LTBP2: variants seen among roughly 807,000 people sequenced by gnomAD.
LTBP2 encodes latent transforming growth factor beta binding protein 2.
LTBP2 carries 103 observed loss-of-function variants against 210.6 expected under a neutral mutation model. The ratio of observed to expected loss-of-function variants is 0.49; its 90% confidence interval spans 0.42 to 0.58. The LOEUF is 0.58. LTBP2 is among the 20% of genes least tolerant of loss of function. LTBP2 has a pLI of 0.00. For synonymous variants in LTBP2, 1,007 were observed against 1,015.0 expected, an observed-to-expected ratio of 0.99 and a Z score of 0.15; for missense variants, 2,313 against 2,494.5, an observed-to-expected ratio of 0.93 and a Z score of 1.55.
intron 1 of LTBP2, among the ~76,000 whole-genome samples, chr14:74,608,704 C>A: frequency 1.8e-5 from 2 of 112,736 alleles, no homozygotes; most frequent in Non-Finnish European, 1.8e-5. Flanking sequence ...GAGACTCTAT[C>A]TCAAAAAAAA....
intron 10 of LTBP2, among the ~76,000 whole-genome samples, chr14:74,529,418 C>T (rs550104896): frequency 1.3e-5 from 2 of 152,210 alleles, no homozygotes; most frequent in East Asian, 1.9e-4. Flanking sequence ...GTCTCCAGTG[C>T]CGAGTTTAGA....
intron 2 of LTBP2, among the ~76,000 whole-genome samples, chr14:74,592,944 T>C (rs149752061): frequency 2.6e-5 from 4 of 152,270 alleles, no homozygotes; most frequent in African/African-American, 9.6e-5. Flanking sequence ...CCAGGACCCT[T>C]TCTTTTCCAC....
Position 74,513,303 on chromosome 14 carries a change from C to G in LTBP2, c.2909-1939G>C, listed in dbSNP as rs1277226435. The stretch of plus-strand genomic sequence containing the variant: ...CTAGTCTCTTGTGGTTGGGTGGAGC[C>G]ATGAGACTAGTGAGGGCCAACGAAC... On this transcript the variant is annotated intron_variant, in intron 18 of 35. Transcript: ENST00000261978. Among the ~76,000 whole-genome samples the G allele has an allele frequency of 2.0e-5, 3 of 152,214 alleles. No homozygotes were observed. In the East Asian group the frequency reaches 5.8e-4, roughly 29 times the overall value.
chr14:74,511,443 T>A (rs1470220532), intron 18 of LTBP2, 79 bp from the exon 19 acceptor site: 2 of 1,583,088 alleles, frequency 1.3e-6, no homozygotes, highest in East Asian at 2.2e-5. Context: ...CAAATCCTTG[T>A]CCCTGCCTTT....
intron 1 of LTBP2, among the ~76,000 whole-genome samples, chr14:74,609,600 A>G (rs2139813570): frequency 6.6e-6 from 1 of 152,184 alleles, no homozygotes. Flanking sequence ...GGGCAGTGCT[A>G]CATCTGCACA....
intron 2 of LTBP2, among the ~76,000 whole-genome samples, chr14:74,593,497 G>T (rs1324218232): frequency 1.3e-5 from 2 of 152,196 alleles, no homozygotes; most frequent in Non-Finnish European, 2.9e-5. Context: ...TCAAAGAGCT[G>T]TTGTGAGTGT....
intron 11 of LTBP2, 89 bp downstream of exon 11, chr14:74,528,869 G>T: frequency 6.4e-7 from 1 of 1,556,276 alleles, no homozygotes. Flanking sequence ...CAGTCTTCCA[G>T]ATTGAGGGAA....
Position 74,506,055 on chromosome 14 carries a change from C to T in LTBP2, c.4170G>A (p.Gly1390=), listed in dbSNP as rs1301155732. ...DAQEGHCRPR[G]AGGQSMSEAP... ...GTGTCTCCCAGGCCTCACCTCCAGC[C>T]CCCCGTGGGCGGCAGTGCCCCTCCT... Residue 1390 remains glycine (G), a synonymous_variant, in exon 28 of 36, where the codon GGG becomes GGA. Transcript: ENST00000261978. 3.7e-6 allele frequency: 6 copies of T among 1,614,030 alleles called. No homozygotes were observed. Among genetic ancestry groups the T allele is most frequent in the Non-Finnish European group, 5.1e-6 (6 of 1,180,044 alleles).
At chr14:74,516,980 C>G in intron 17 of LTBP2, 39 bp from the exon 18 acceptor site, 2 of 1,547,974 alleles carry the variant, frequency 1.3e-6, no homozygotes, top group Non-Finnish European at 8.7e-7. Context: ...ACAGCCAGCC[C>G]TGGAGGATGG....
chr14:74,580,794 T>C (rs2088125804), intron 3 of LTBP2, among the ~76,000 whole-genome samples: 1 of 151,828 alleles, frequency 6.6e-6, no homozygotes, highest in Non-Finnish European at 1.5e-5. Flanking sequence ...ACCACGTCTA[T>C]AAAAAAATAC....
intron 3 of LTBP2, among the ~76,000 whole-genome samples, chr14:74,573,166 G>T (rs1204231698): frequency 2.6e-5 from 4 of 152,130 alleles, no homozygotes; most frequent in African/African-American, 9.7e-5. Flanking sequence ...ACTTGCCTAC[G>T]CTCACATGCC....
At chr14:74,517,089 A>T in intron 17 of LTBP2, 148 bp from the exon 18 acceptor site, 1 of 1,050,740 alleles carries the variant, frequency 9.5e-7, no homozygotes, top group East Asian at 2.6e-5. Context: ...TGCAGCCACA[A>T]TTGCCTGGAG....
intron 3 of LTBP2, among the ~76,000 whole-genome samples, chr14:74,575,951 G>A (rs978608068): frequency 1.3e-5 from 2 of 152,206 alleles, no homozygotes; most frequent in Non-Finnish European, 2.9e-5. Context: ...CCAGGGAAGG[G>A]GAGTCATGGG....
At chr14:74,541,727 C>T (rs1314496471) in intron 8 of LTBP2, among the ~76,000 whole-genome samples, 3 of 151,828 alleles carry the variant, frequency 2.0e-5, no homozygotes, top group Non-Finnish European at 4.4e-5. Flanking sequence ...GAAACCTCTA[C>T]CCTGTTTTTA....
At chr14:74,506,922 C>T (rs1160709445) in intron 26 of LTBP2, 99 bp from the exon 27 acceptor site, 1 of 1,570,378 alleles carries the variant, frequency 6.4e-7, no homozygotes, top group South Asian at 1.2e-5. Flanking sequence ...CATGCACACT[C>T]TCTCGTTCTC....
At position 74,525,233 on chromosome 14, in the gene LTBP2, GGA is replaced by G. The variant is rs1376095087; in HGVS notation, c.2429-10_2429-9del. 5 of 1,310,848 alleles carry G rather than the reference GGA, an allele frequency of 3.8e-6. No individual in the cohort carries two copies. The highest frequency in any genetic ancestry group is 4.9e-6 in the Non-Finnish European group (5 of 1,016,660). The allele number at this position is 1,310,848 out of a possible 1,614,324, so 81.2% of individuals were successfully genotyped here. A position where few individuals can be genotyped will look rare whatever the true frequency, so the allele number is the denominator to read the frequency against. On this transcript the variant is annotated splice_polypyrimidine_tract_variant and intron_variant, in intron 14 of 35. Coordinates refer to ENST00000261978, the MANE Select transcript of LTBP2 (RefSeq NM_000428.3). ...GTGGGGTTGTGGCATTCCCTGTGGA[GGA>G]GAGAGGGGAAGAGGTGGGGTTGTGG... is the stretch of plus-strand genomic sequence containing the variant.
chr14:74,583,456 T>C lies in LTBP2; in HGVS notation c.830+2398A>G, dbSNP rs143308181. Among the ~76,000 whole-genome samples, 88 of 152,334 alleles carry C rather than the reference T, an allele frequency of 5.8e-4. No homozygotes were observed. The Middle Eastern group carries it at 0.014, about 24-fold the overall frequency. On this transcript the variant is annotated intron_variant, in intron 3 of 35. Transcript: ENST00000261978. The stretch of plus-strand genomic sequence containing the variant: ...GCCAACAGTAGGGCACTCCCAGATT[T>C]CATGGCATTGAGGCCCCAGGGCACA...
At chr14:74,565,764 C>T (rs968045549) in intron 3 of LTBP2, among the ~76,000 whole-genome samples, 5 of 152,104 alleles carry the variant, frequency 3.3e-5, no homozygotes, top group African/African-American at 7.2e-5. Context: ...TGATATCATT[C>T]GAGGAAAGCA....
At position 74,501,519 on chromosome 14, in the gene LTBP2, A is replaced by G; in HGVS notation, c.5242T>C (p.Cys1748Arg). ...GILNGCENGR[C>R]VRVREGYTCD... is the part of the protein sequence containing the mutation. The stretch of plus-strand genomic sequence containing the variant: ...GTGTAGCCCTCCCGCACGCGCACAC[A>G]GCGGCCATTCTCACAGCCGTTCAGG... Residue 1748 changes from cysteine to arginine, a missense_variant, in exon 35 of 36, where the codon TGT (cysteine) becomes CGT (arginine). Coordinates refer to ENST00000261978, the MANE Select transcript of LTBP2 (RefSeq NM_000428.3). The G allele has an allele frequency of 1.9e-6, 3 of 1,614,182 alleles. No individual in the cohort carries two copies. The highest frequency in any genetic ancestry group is 2.5e-6 in the Non-Finnish European group (3 of 1,180,030).
Sources: allele counts gnomAD v4.1 joint callset (sites outside exome capture counted in the v4.1 genomes callset), GRCh38; gene constraint gnomAD v4.1.1; transcripts MANE v1.5; gene names NCBI Gene and HGNC (gene_info 2026-07-23, HGNC 2026-07-21).